Variants in RAPGEF5 observed in about 807,000 individuals in gnomAD.
RAPGEF5 encodes the protein Rap guanine nucleotide exchange factor 5.
In RAPGEF5, 65 loss-of-function variants were observed where a neutral mutation model predicts 125.2. That is an observed-to-expected ratio of 0.52 (90% confidence interval 0.43 to 0.64). The LOEUF (loss-of-function observed/expected upper bound fraction) is 0.64. RAPGEF5 is among the 30% of genes least tolerant of loss of function. The probability of loss-of-function intolerance (pLI) is 0.00; values close to 1 mark genes in which losing one functional copy is unlikely to be tolerated. For missense variants in RAPGEF5, 958 were observed against 1,048.1 expected (o/e 0.91, Z 1.19); for synonymous variants, 391 against 385.9 (o/e 1.01, Z -0.16).
At chr7:22,199,531 GAAAAAAAAAAAAAAA>G (rs35024654) in intron 9 of RAPGEF5, among the ~76,000 whole-genome samples, 6 of 62,832 alleles carry the variant, frequency 9.5e-5, no homozygotes, top group Admixed American at 4.4e-4. Flanking sequence ...CCTTAAAATT[GAAAAAAAAAAAAAAA>G]AAAAAAAAAA....
At chr7:22,283,872 T>G (rs1782732542) in intron 6 of RAPGEF5, among the ~76,000 whole-genome samples, 2 of 152,186 alleles carry the variant, frequency 1.3e-5, no homozygotes, top group Non-Finnish European at 2.9e-5. Flanking sequence ...TTTACATCTT[T>G]CTGAACACAT....
chr7:22,151,737 T>G (rs1783636387), intron 17 of RAPGEF5, among the ~76,000 whole-genome samples: 1 of 152,196 alleles, frequency 6.6e-6, no homozygotes, highest in African/African-American at 2.4e-5. Context: ...GTGCTGGAAT[T>G]ACAGGTGGCA....
At chr7:22,186,565 C>G (rs917979767) in intron 11 of RAPGEF5, among the ~76,000 whole-genome samples, 1 of 152,108 alleles carries the variant, frequency 6.6e-6, no homozygotes, top group Non-Finnish European at 1.5e-5. Flanking sequence ...AGAATATAAG[C>G]CTTCAGGAGG....
chr7:22,306,326 C>T (rs1783340287), intron 5 of RAPGEF5, among the ~76,000 whole-genome samples: 1 of 152,092 alleles, frequency 6.6e-6, no homozygotes, highest in Non-Finnish European at 1.5e-5. Context: ...ATCAGTGGTG[C>T]TGAACACCTT....
intron 20 of RAPGEF5, 56 bp downstream of exon 20, chr7:22,144,988 C>A (rs1047609779): frequency 6.5e-7 from 1 of 1,543,546 alleles, no homozygotes; most frequent in Admixed American, 1.8e-5. Context: ...GAAAGAAGAA[C>A]AATGTACTCT....
chr7:22,304,721 A>C (rs1226132365), intron 5 of RAPGEF5, among the ~76,000 whole-genome samples: 5 of 152,220 alleles, frequency 3.3e-5, no homozygotes, highest in African/African-American at 1.2e-4. Context: ...GAAGAACGCC[A>C]GTCCCAAACA....
chr7:22,179,121 G>A (rs887400293), intron 11 of RAPGEF5, among the ~76,000 whole-genome samples: 1 of 152,160 alleles, frequency 6.6e-6, no homozygotes, highest in African/African-American at 2.4e-5. Flanking sequence ...GACCAAGTAT[G>A]TATTTCTTAT....
At chr7:22,278,272 A>G (rs1489948544) in intron 6 of RAPGEF5, among the ~76,000 whole-genome samples, 1 of 152,058 alleles carries the variant, frequency 6.6e-6, no homozygotes, top group African/African-American at 2.4e-5. Context: ...TCTTTCCCTT[A>G]TCTAGACAAA....
intron 1 of RAPGEF5, among the ~76,000 whole-genome samples, chr7:22,344,498 C>T (rs978245975): frequency 2.6e-5 from 4 of 152,116 alleles, no homozygotes; most frequent in South Asian, 2.1e-4. Flanking sequence ...CCATTATAGG[C>T]GGTCACAGAC....
intron 6 of RAPGEF5, among the ~76,000 whole-genome samples, chr7:22,280,470 C>T (rs1322772802): frequency 6.6e-6 from 1 of 152,172 alleles, no homozygotes; most frequent in Non-Finnish European, 1.5e-5. Flanking sequence ...AAGATTGAAG[C>T]TCTGATACTG....
At chr7:22,350,548 G>A (rs1029830432) in intron 1 of RAPGEF5, among the ~76,000 whole-genome samples, 13 of 152,124 alleles carry the variant, frequency 8.5e-5, no homozygotes, top group African/African-American at 3.1e-4. Flanking sequence ...TGTCATTACA[G>A]AGGAAGACAC....
intron 3 of RAPGEF5, among the ~76,000 whole-genome samples, chr7:22,311,039 T>C (rs1783457463): frequency 6.6e-6 from 1 of 152,194 alleles, no homozygotes; most frequent in Admixed American, 6.5e-5. Context: ...AAAAAAATTT[T>C]TTTTGAGACA....
chr7:22,162,649 T>A (rs1209408856), intron 12 of RAPGEF5, 108 bp from the exon 13 acceptor site: 1 of 1,104,618 alleles, frequency 9.1e-7, no homozygotes, highest in Admixed American at 2.3e-5. Context: ...TGTATAAACA[T>A]GCAGGAAGAA....
intron 17 of RAPGEF5, among the ~76,000 whole-genome samples, chr7:22,151,458 C>CTTTTTTT (rs10609080): frequency 9.1e-6 from 1 of 109,932 alleles, no homozygotes; most frequent in Non-Finnish European, 1.8e-5. Flanking sequence ...CTGATCATTA[C>CTTTTTTT]TTTTTTTTTT....
At chr7:22,203,410 T>C (rs1785324841) in intron 9 of RAPGEF5, among the ~76,000 whole-genome samples, 1 of 152,226 alleles carries the variant, frequency 6.6e-6, no homozygotes, top group Non-Finnish European at 1.5e-5. Flanking sequence ...TGTCAAGAGA[T>C]AGCTAATGCT....
chr7:22,250,394 A>C, intron 7 of RAPGEF5, among the ~76,000 whole-genome samples: 1 of 152,354 alleles, frequency 6.6e-6, no homozygotes, highest in Middle Eastern at 3.4e-3. Flanking sequence ...CACTTTTGTC[A>C]TAAGCATCAC....
chr7:22,268,952 T>G (rs1160236536), intron 6 of RAPGEF5, among the ~76,000 whole-genome samples: 1 of 151,928 alleles, frequency 6.6e-6, no homozygotes, highest in Admixed American at 6.6e-5. Context: ...AAATGGAGCA[T>G]TTCCGGGGCA....
intron 9 of RAPGEF5, chr7:22,194,715 G>A: frequency 1.7e-5 from 17 of 985,462 alleles, no homozygotes; most frequent in Non-Finnish European, 1.9e-5. Flanking sequence ...TGACTGCACA[G>A]ACTTTCTTCA....
At position 22,266,984 on chromosome 7, in the gene RAPGEF5, G is replaced by A; in HGVS notation, c.776C>T (p.Ala259Val). The A allele has an allele frequency of 1.9e-6, 3 of 1,610,844 alleles. No homozygotes were observed. Among genetic ancestry groups the A allele is most frequent in the Non-Finnish European group, 2.5e-6 (3 of 1,177,468 alleles). ...AVQRELAAVIALKARKSAIEQ... is the reference protein window; with the variant it reads ...AVQRELAAVIVLKARKSAIEQ... ...CTTACCAGACTTCCTTGCTTTCAAA[G>A]CAATAACAGCTGCTAGCTCTCTCTG... Residue 259 changes from alanine (A) to valine (V), a missense_variant, in exon 7 of 26, where the codon GCT becomes GTT. Transcript: ENST00000665637.
Sources: allele counts gnomAD v4.1 joint callset (sites outside exome capture counted in the v4.1 genomes callset), GRCh38; gene constraint gnomAD v4.1.1; transcripts MANE v1.5; gene names NCBI Gene and HGNC (gene_info 2026-07-23, HGNC 2026-07-21).